Variants in TCERG1 observed in about 807,000 individuals in gnomAD.
TCERG1 encodes transcription elongation regulator 1.
In TCERG1, 37 loss-of-function variants were observed where a neutral mutation model predicts 144.7. That is an observed-to-expected ratio of 0.26 (90% CI 0.20 to 0.34). The LOEUF is 0.34. Ranked by LOEUF, TCERG1 falls within the 10% of genes least tolerant of loss-of-function variation. The pLI is 1.00. For missense variants in TCERG1, 1,027 were observed against 1,380.7 expected (o/e 0.74, Z 4.06); for synonymous variants, 492 against 458.2 (o/e 1.07, Z -0.94).
chr5:146,482,368 C>T (rs1191491492), intron 13 of TCERG1: 3 of 327,720 alleles, frequency 9.2e-6, no homozygotes, highest in Admixed American at 9.5e-5. Context: ...TATTTTTTTC[C>T]TAATAATGTA....
chr5:146,466,969 G>A (rs11750740), intron 5 of TCERG1, among the ~76,000 whole-genome samples: 37,294 of 152,044 alleles, frequency 0.25, 5,688 homozygotes, highest in East Asian at 0.83. Context: ...TATTTATACT[G>A]ATTAAACTTA....
Position 146,457,188 on chromosome 5 carries a change from A to G in TCERG1, c.291A>G (p.Pro97=), listed in dbSNP as rs1762903663. The change falls in exon 3 of 23, where the codon CCA becomes CCG. Residue 97 remains proline (P), a synonymous_variant. Transcript: ENST00000679501. ...PPMGPPHLQR[P]PFMPPPMSSM... ...CTGTTTTTGTGAATTAACAGAGACC[A>G]CCTTTCATGCCTCCTCCCATGAGTT... is the stretch of plus-strand genomic sequence containing the variant. The G allele has an allele frequency of 6.2e-7, 1 of 1,612,366 alleles. No homozygotes were observed.
intron 6 of TCERG1, 29 bp from the exon 7 acceptor site, chr5:146,469,515 G>T: frequency 6.5e-7 from 1 of 1,544,332 alleles, no homozygotes; most frequent in African/African-American, 1.4e-5. Flanking sequence ...TTGATACTTG[G>T]ATCTAATTTT....
At chr5:146,485,482 C>T (rs1457678713) in intron 15 of TCERG1, among the ~76,000 whole-genome samples, 3 of 152,104 alleles carry the variant, frequency 2.0e-5, no homozygotes, top group South Asian at 2.1e-4. Context: ...ACTTTTATGA[C>T]GTATTCCTCC....
At chr5:146,477,498 AGTT>A (rs778313941) in intron 9 of TCERG1, among the ~76,000 whole-genome samples, 4 of 152,012 alleles carry the variant, frequency 2.6e-5, no homozygotes, top group African/African-American at 4.8e-5. Flanking sequence ...ACTCCCTTGC[AGTT>A]GTTTCTCTAA....
At chr5:146,456,554 G>A (rs1254949117) in intron 2 of TCERG1, among the ~76,000 whole-genome samples, 2 of 152,122 alleles carry the variant, frequency 1.3e-5, no homozygotes, top group Admixed American at 6.6e-5. Flanking sequence ...GTGTGCTGAC[G>A]CTTGAAAGAT....
chr5:146,471,631 C>G (rs1483162411), intron 9 of TCERG1, 55 bp downstream of exon 9: 2 of 1,468,256 alleles, frequency 1.4e-6, no homozygotes, highest in African/African-American at 2.8e-5. Flanking sequence ...CGGAGTCTCA[C>G]TCTGTCACCA....
chr5:146,458,982 C>G lies in TCERG1; in HGVS notation c.537C>G (p.Ala179=). 6.2e-7 allele frequency: 1 copy of G among 1,614,022 alleles called. No homozygotes were observed. The highest frequency in any genetic ancestry group is 1.7e-5 in the Admixed American group (1 of 60,012). Residue 179 remains alanine, a synonymous_variant, in exon 4 of 23, where the codon GCC becomes GCG. Coordinates refer to ENST00000679501, the MANE Select transcript of TCERG1 (RefSeq NM_001382548.1). ...QQSELTPMLA[A]QAQVQAQAQA... ...CAGAACTGACACCTATGCTTGCAGC[C>G]CAGGCACAGGTTCAGGCTCAGGCCC... is the stretch of plus-strand genomic sequence containing the variant.
At chr5:146,454,521 C>T (rs1035655643) in intron 1 of TCERG1, among the ~76,000 whole-genome samples, 3 of 151,666 alleles carry the variant, frequency 2.0e-5, no homozygotes, top group Non-Finnish European at 4.4e-5. Flanking sequence ...TGCCTAGACT[C>T]GGCATCCATT....
chr5:146,473,116 A>G (rs1764502683), intron 9 of TCERG1, among the ~76,000 whole-genome samples: 1 of 152,230 alleles, frequency 6.6e-6, no homozygotes, highest in Non-Finnish European at 1.5e-5. Flanking sequence ...TGGGCTAAAT[A>G]GCCAAGTTGT....
intron 8 of TCERG1, 72 bp downstream of exon 8, chr5:146,470,820 C>A: frequency 9.9e-7 from 1 of 1,014,618 alleles, no homozygotes; most frequent in Non-Finnish European, 1.4e-6. Flanking sequence ...ATCTGAGTAT[C>A]TATTGGATAG....
chr5:146,508,006 T>C, intron 21 of TCERG1, 50 bp downstream of exon 21: 1 of 1,400,972 alleles, frequency 7.1e-7, no homozygotes, highest in Non-Finnish European at 9.9e-7. Context: ...AATACTTAAA[T>C]CGGGGCCTAA....
intron 4 of TCERG1, among the ~76,000 whole-genome samples, 165 bp downstream of exon 4, chr5:146,459,502 A>C (rs1763158978): frequency 6.6e-6 from 1 of 152,228 alleles, no homozygotes; most frequent in South Asian, 2.1e-4. Context: ...GAAAACAGGA[A>C]TTTATATTAA....
At chr5:146,506,336 C>G (rs1010955979) in intron 19 of TCERG1, among the ~76,000 whole-genome samples, 1 of 152,146 alleles carries the variant, frequency 6.6e-6, no homozygotes, top group Non-Finnish European at 1.5e-5. Context: ...GTGAGCCAGC[C>G]AGACCTGTTA....
chr5:146,448,811 C>T (rs558136835), intron 1 of TCERG1, among the ~76,000 whole-genome samples: 1 of 152,168 alleles, frequency 6.6e-6, no homozygotes, highest in African/African-American at 2.4e-5. Context: ...TAAATATTAG[C>T]GATGCCAAGT....
At position 146,483,555 on chromosome 5, in the gene TCERG1, A is replaced by G. The variant is rs755972817; in HGVS notation, c.2089A>G (p.Thr697Ala). The change falls in exon 15 of 23, where the codon ACG (threonine) becomes GCG (alanine). Residue 697 changes from threonine to alanine, a missense_variant. Physicochemically the swap from Thr to Ala is moderately conservative, Grantham distance 58 (BLOSUM62 0). This residue lies in a region of TCERG1 where 482 missense variants were observed against 632.6 expected (regional missense o/e 0.76). Transcript: ENST00000679501. ...TATTTTAAAGGTGTCTGCTTTTTCA[A>G]CGTGGGAGAAGGAGTTGCACAAGAT... ...LLERGVSAFS[T>A]WEKELHKIVF... The G allele has an allele frequency of 2.5e-6, 4 of 1,612,506 alleles. No individual in the cohort carries two copies. The highest frequency in any genetic ancestry group is 1.3e-5 in the African/African-American group (1 of 74,936).
At chr5:146,477,642 T>C (rs1764960794) in intron 9 of TCERG1, among the ~76,000 whole-genome samples, 1 of 151,618 alleles carries the variant, frequency 6.6e-6, no homozygotes, top group African/African-American at 2.4e-5. Flanking sequence ...TGGCTTGTAG[T>C]GCTTGTAGTG....
Position 146,510,435 on chromosome 5 carries a change from T to C in TCERG1, c.3147-6T>C, listed in dbSNP as rs1252055451. On this transcript the variant is annotated splice_region_variant and splice_polypyrimidine_tract_variant and intron_variant, in intron 22 of 22. Transcript: ENST00000679501. The stretch of plus-strand genomic sequence containing the variant: ...GTAATTCTTGGACTTCTTTTTCTTA[T>C]TTCAGATCCAAAAAATTAATCCAAG... 1.2e-6 allele frequency: 2 copies of C among 1,609,110 alleles called. No individual in the cohort carries two copies. Among genetic ancestry groups the C allele is most frequent in the Non-Finnish European group, 1.7e-6 (2 of 1,175,726 alleles).
chr5:146,472,474 T>A (rs563101444), intron 9 of TCERG1, among the ~76,000 whole-genome samples: 2 of 152,266 alleles, frequency 1.3e-5, no homozygotes, highest in African/African-American at 4.8e-5. Context: ...TATGTTACTG[T>A]TGTAATTGTT....
Sources: allele counts gnomAD v4.1 joint callset (sites outside exome capture counted in the v4.1 genomes callset), GRCh38; gene constraint gnomAD v4.1.1; regional missense constraint gnomAD v4.1.1; transcripts MANE v1.5; gene names NCBI Gene and HGNC (gene_info 2026-07-23, HGNC 2026-07-21).